The following PLCH1 variants were observed in gnomAD, a reference collection of about 807,000 sequenced individuals.
PLCH1 encodes the protein phospholipase C eta 1.
Under a neutral mutation model 126.7 loss-of-function variants are expected in PLCH1, and 60 were observed. The observed-to-expected ratio is 0.47, with a 90% CI of 0.38 to 0.59. PLCH1 has a LOEUF of 0.59. PLCH1 is among the 20% of genes least tolerant of loss of function. PLCH1 has a pLI of 0.00. For missense variants in PLCH1, 1,723 were observed against 2,040.0 expected (o/e 0.84, Z 2.99); for synonymous variants, 719 against 734.9 (o/e 0.98, Z 0.35).
Position 155,517,812 on chromosome 3 carries a change from GC to G in PLCH1, c.1471-2929del, listed in dbSNP as rs35673100. 6.6e-3 allele frequency among the ~76,000 whole-genome samples: 1,008 copies of G among 152,262 alleles called. 13 individuals are homozygous for G. Among genetic ancestry groups the G allele is most frequent in the African/African-American group, 0.023 (936 of 41,532 alleles). On this transcript the variant is annotated intron_variant, in intron 11 of 22. Coordinates refer to ENST00000460012, the MANE Select transcript of PLCH1 (RefSeq NM_014996.4). ...GTAATGACTAACAGCTGATCATCTG[GC>G]AAAGAGTAGGGGGACAGCATTTCAA...
At chr3:155,597,204 G>A (rs1236287452) in intron 2 of PLCH1, among the ~76,000 whole-genome samples, 1 of 152,136 alleles carries the variant, frequency 6.6e-6, no homozygotes, top group Non-Finnish European at 1.5e-5. Flanking sequence ...CCCAGTGAAA[G>A]AGTAGACACA....
intron 2 of PLCH1, among the ~76,000 whole-genome samples, chr3:155,633,576 A>G (rs1471487897): frequency 6.6e-6 from 1 of 152,138 alleles, no homozygotes; most frequent in African/African-American, 2.4e-5. Flanking sequence ...GTTTGGCAAG[A>G]GGTAAATGCT....
At position 155,537,202 on chromosome 3, in the gene PLCH1, C is replaced by CAAAAAAAAAAAAAAAAAA. The variant is rs535908017; in HGVS notation, c.1362+12567_1362+12584dup. 3.3e-3 allele frequency among the ~76,000 whole-genome samples: 34 copies of CAAAAAAAAAAAAAAAAAA among 10,408 alleles called. 1 individual carries two copies. Among genetic ancestry groups the CAAAAAAAAAAAAAAAAAA allele is most frequent in the East Asian group, 8.2e-3 (7 of 850 alleles). The allele number at this position is 10,408 out of a possible 152,430, so 6.8% of individuals were successfully genotyped here. A position where few individuals can be genotyped will look rare whatever the true frequency, so the allele number is the denominator to read the frequency against. On this transcript the variant is annotated intron_variant, in intron 10 of 22. Coordinates refer to ENST00000460012, the MANE Select transcript of PLCH1 (RefSeq NM_014996.4). ...CTAGCACTACAAAAAAAAAAAAAACCAAAAAAAAAAAAAAAAAAAAAAAAA... is the reference window on the plus strand; with the variant it reads ...CTAGCACTACAAAAAAAAAAAAAACCAAAAAAAAAAAAAAAAAAAAAAAAAAAAAAAAAAAAAAAAAAA...
intron 4 of PLCH1, among the ~76,000 whole-genome samples, chr3:155,591,104 T>C (rs1170448862): frequency 6.6e-6 from 1 of 152,212 alleles, no homozygotes; most frequent in Non-Finnish European, 1.5e-5. Context: ...TTTATGCCCA[T>C]CTCTAACTCA....
intron 13 of PLCH1, among the ~76,000 whole-genome samples, chr3:155,503,829 C>T (rs932916161): frequency 3.9e-5 from 6 of 152,228 alleles, no homozygotes; most frequent in East Asian, 3.8e-4. Context: ...TGAGCCACCA[C>T]GCCTGGCCTA....
In PLCH1 at chr3:155,500,704, T is replaced by C; in HGVS notation, c.1795A>G (p.Arg599Gly). 6.3e-7 allele frequency: 1 copy of C among 1,596,970 alleles called. No homozygotes were observed. The highest frequency in any genetic ancestry group is 8.6e-7 in the Non-Finnish European group (1 of 1,164,410). The part of the protein sequence containing the change: ...STGKEGGQLY[R>G]LGRRRKTMKL... ...GGAAACATGGAGATGCTTTCTTACCTGTACAGCTGGCCACCCTCCTTGCCA... is the reference window on the plus strand; with the variant it reads ...GGAAACATGGAGATGCTTTCTTACCCGTACAGCTGGCCACCCTCCTTGCCA... The change falls in exon 14 of 23, where the codon AGA becomes GGA. Residue 599 changes from arginine (R) to glycine (G), a missense_variant and splice_region_variant. By Grantham distance (125) the Arg-to-Gly change is moderately radical. Coordinates refer to ENST00000460012, the MANE Select transcript of PLCH1 (RefSeq NM_014996.4).
chr3:155,707,390 G>C (rs978377634), intron 1 of PLCH1, among the ~76,000 whole-genome samples: 1 of 152,084 alleles, frequency 6.6e-6, no homozygotes, highest in Non-Finnish European at 1.5e-5. Flanking sequence ...TTGACCTATA[G>C]AAACAGCGAA....
chr3:155,739,518 T>C (rs1326924370), intron 1 of PLCH1, among the ~76,000 whole-genome samples: 104 of 152,330 alleles, frequency 6.8e-4, no homozygotes, highest in African/African-American at 2.5e-3. Context: ...AGACCTGAAT[T>C]TACAACCTCC....
intron 1 of PLCH1, among the ~76,000 whole-genome samples, chr3:155,724,877 G>A (rs549841750): frequency 1.9e-4 from 28 of 147,402 alleles, no homozygotes; most frequent in African/African-American, 7.3e-4. Context: ...TGTCCTGTGA[G>A]ATTTATGCTT....
chr3:155,452,020 A>T (rs563800968), intron 21 of PLCH1, among the ~76,000 whole-genome samples: 97 of 152,102 alleles, frequency 6.4e-4, no homozygotes, highest in African/African-American at 2.0e-3. Flanking sequence ...TCTCTCTCTC[A>T]CACACACATA....
intron 2 of PLCH1, among the ~76,000 whole-genome samples, chr3:155,602,123 T>C (rs1432046640): frequency 6.6e-6 from 1 of 152,122 alleles, no homozygotes; most frequent in East Asian, 1.9e-4. Flanking sequence ...AAATAAACAA[T>C]GGAGTACTAT....
At chr3:155,565,273 G>C (rs1728189090) in intron 7 of PLCH1, among the ~76,000 whole-genome samples, 155 bp from the exon 8 acceptor site, 1 of 152,196 alleles carries the variant, frequency 6.6e-6, no homozygotes, top group African/African-American at 2.4e-5. Context: ...TGAGAGATTT[G>C]CTTGAGGTCA....
chr3:155,624,298 T>C (rs915788592), intron 2 of PLCH1, among the ~76,000 whole-genome samples: 45 of 152,186 alleles, frequency 3.0e-4, no homozygotes, highest in Non-Finnish European at 5.6e-4. Context: ...AATATCATAC[T>C]GAATGGGCAA....
chr3:155,653,162 T>C (rs1740931644), intron 2 of PLCH1, among the ~76,000 whole-genome samples: 1 of 144,714 alleles, frequency 6.9e-6, no homozygotes, highest in East Asian at 2.1e-4. Flanking sequence ...GATATAGATA[T>C]AGATATAGAT....
At chr3:155,500,838 A>G (rs750616779) in intron 13 of PLCH1, 44 bp from the exon 14 acceptor site, 2 of 1,256,086 alleles carry the variant, frequency 1.6e-6, no homozygotes, top group Admixed American at 3.4e-5. Flanking sequence ...CATTGTATCA[A>G]GTATATTTAC....
In PLCH1 at chr3:155,704,276, A is replaced by G; in HGVS notation, c.-40-12T>C. ...AAAACCAAATTGCCCTGTCAAGGGA[A>G]ACAGAATGAGACAAAAATGAAGAAA... On this transcript the variant is annotated splice_polypyrimidine_tract_variant and intron_variant, in intron 1 of 22. Transcript: ENST00000460012. 4.0e-6 allele frequency: 3 copies of G among 754,600 alleles called. No homozygotes were observed. Among genetic ancestry groups the G allele is most frequent in the Non-Finnish European group, 5.4e-6 (3 of 551,974 alleles). The allele number at this position is 754,600 out of a possible 1,614,324, so 46.7% of individuals were successfully genotyped here.
intron 15 of PLCH1, among the ~76,000 whole-genome samples, chr3:155,495,798 T>G (rs1716950060): frequency 6.6e-6 from 1 of 152,228 alleles, no homozygotes. Flanking sequence ...GTTTTTAATG[T>G]GATGATGTTT....
intron 2 of PLCH1, among the ~76,000 whole-genome samples, chr3:155,679,409 G>T (rs563577261): frequency 5.3e-5 from 8 of 152,282 alleles, no homozygotes; most frequent in Admixed American, 4.6e-4. Context: ...CTGCTGAAGA[G>T]TAAATGGGTG....
intron 10 of PLCH1, among the ~76,000 whole-genome samples, chr3:155,535,196 A>G (rs1470370061): frequency 6.6e-6 from 1 of 152,222 alleles, no homozygotes; most frequent in East Asian, 1.9e-4. Flanking sequence ...AGAACTGGGG[A>G]AAGAATACAG....
Sources: gnomAD v4.1 joint callset for allele counts (sites outside exome capture counted in the v4.1 genomes callset) on GRCh38, gnomAD v4.1.1 for gene constraint, MANE v1.5 for transcripts, NCBI Gene and HGNC (gene_info 2026-07-23, HGNC 2026-07-21) for gene names.